ZC3H12B: variants seen among roughly 807,000 people sequenced by gnomAD.
ZC3H12B encodes zinc finger CCCH-type containing 12B.
In ZC3H12B, 7 loss-of-function variants were observed where a neutral mutation model predicts 43.9. The ratio of observed to expected loss-of-function variants is 0.16; its 90% CI spans 0.09 to 0.30. The LOEUF is 0.30. ZC3H12B is among the 10% of genes least tolerant of loss of function. The pLI, the probability that ZC3H12B is intolerant of heterozygous loss-of-function variation, is 1.00. For synonymous variants in ZC3H12B, 222 were observed against 241.7 expected, an observed-to-expected ratio of 0.92 and a Z score of 0.76; for missense variants, 475 against 670.2, an observed-to-expected ratio of 0.71 and a Z score of 3.22.
At position 65,371,433 on chromosome X, in the gene ZC3H12B, T is replaced by A. The variant is rs1476309073; in HGVS notation, n.295+2435T>A. On this transcript the variant is annotated intron_variant and non_coding_transcript_variant, in intron 2 of 5. Coordinates refer to the ZC3H12B transcript ENST00000617377. ...ACTGTGGTCTATTTCTAAGCCCAGTTTTTTTTTCCACTACCACAAGCTGTA... is the reference window on the plus strand; with the variant it reads ...ACTGTGGTCTATTTCTAAGCCCAGTATTTTTTTCCACTACCACAAGCTGTA... Among the ~76,000 whole-genome samples the A allele has an allele frequency of 2.7e-5, 3 of 111,438 alleles. No homozygotes were observed. In the Admixed American group the frequency reaches 2.9e-4, roughly 11 times the overall value.
the ZC3H12B span, among the ~76,000 whole-genome samples, chrX:65,039,395 G>A: frequency 6.3e-5 from 7 of 111,428 alleles, no homozygotes; most frequent in African/African-American, 2.0e-4. Context: ...ACCTGAAATT[G>A]AATTTTGACA....
the ZC3H12B span, among the ~76,000 whole-genome samples, chrX:65,074,312 C>T: frequency 8.2e-5 from 9 of 110,364 alleles, no homozygotes; most frequent in East Asian, 5.7e-4. Flanking sequence ...CATTCCTTTC[C>T]GACCTGCAAG....
the ZC3H12B span, among the ~76,000 whole-genome samples, chrX:65,133,107 G>A: frequency 2.7e-5 from 3 of 111,286 alleles, no homozygotes; most frequent in Admixed American, 9.4e-5. Context: ...CAAGATCCTC[G>A]GGCAGGCAGT....
chrX:65,228,009 G>A, the ZC3H12B span, among the ~76,000 whole-genome samples: 2 of 111,730 alleles, frequency 1.8e-5, no homozygotes, highest in African/African-American at 6.5e-5. Flanking sequence ...AAGAAAAAGA[G>A]GGAATCCTCC....
chrX:65,388,226 T>G (rs1257792046), intron 2 of ZC3H12B, among the ~76,000 whole-genome samples: 1 of 112,406 alleles, frequency 8.9e-6, no homozygotes, highest in African/African-American at 3.2e-5. Context: ...GATAATATCC[T>G]GCAGAGTGTT....
chrX:65,243,672 A>G, the ZC3H12B span, among the ~76,000 whole-genome samples: 2 of 112,549 alleles, frequency 1.8e-5, no homozygotes, highest in African/African-American at 6.4e-5. Context: ...CTGCACTTCT[A>G]TGTTTATTGC....
At chrX:65,470,704 C>G (rs2067899549) in intron 3 of ZC3H12B, among the ~76,000 whole-genome samples, 1 of 111,723 alleles carries the variant, frequency 9.0e-6, no homozygotes, top group Non-Finnish European at 1.9e-5. Flanking sequence ...GTCCCTCCTT[C>G]ATAGCTGCTG....
the ZC3H12B span, among the ~76,000 whole-genome samples, chrX:65,229,629 T>G: frequency 1.9e-5 from 2 of 105,894 alleles, no homozygotes; most frequent in African/African-American, 6.9e-5. Context: ...TTTCGCAACC[T>G]ACTCATCTGA....
At chrX:65,211,917 T>A in the ZC3H12B span, among the ~76,000 whole-genome samples, 1 of 73,987 alleles carries the variant, frequency 1.4e-5, no homozygotes, top group African/African-American at 5.7e-5. Context: ...TTATGTATAC[T>A]ATATAATATA....
chrX:65,157,457 G>T, the ZC3H12B span, among the ~76,000 whole-genome samples: 30 of 112,027 alleles, frequency 2.7e-4, no homozygotes, highest in Non-Finnish European at 5.3e-4. Context: ...ATGTAGTGGT[G>T]TTATTTCTAG....
At chrX:65,316,162 A>T in the ZC3H12B span, among the ~76,000 whole-genome samples, 3 of 112,148 alleles carry the variant, frequency 2.7e-5, no homozygotes, top group African/African-American at 9.7e-5. Context: ...AAGACCTCCA[A>T]AAAAGATGGG....
intron 2 of ZC3H12B, among the ~76,000 whole-genome samples, chrX:65,395,539 G>A (rs1214551641): frequency 2.7e-5 from 3 of 112,207 alleles, no homozygotes; most frequent in African/African-American, 9.7e-5. Flanking sequence ...GACTAGCCTT[G>A]CATCTCAGGG....
intron 3 of ZC3H12B, among the ~76,000 whole-genome samples, chrX:65,475,964 A>AGGTTTCTGT (rs2067986800): frequency 8.9e-6 from 1 of 112,323 alleles, no homozygotes; most frequent in Admixed American, 9.4e-5. Flanking sequence ...CCAGATTGCA[A>AGGTTTCTGT]GGTTTCTGTA....
At chrX:65,066,149 G>A in the ZC3H12B span, among the ~76,000 whole-genome samples, 2 of 110,116 alleles carry the variant, frequency 1.8e-5, no homozygotes, top group Non-Finnish European at 1.9e-5. Flanking sequence ...CTGTCAGTTC[G>A]TCAAACTAAT....
chrX:65,078,278 A>T, the ZC3H12B span, among the ~76,000 whole-genome samples: 1 of 112,308 alleles, frequency 8.9e-6, no homozygotes, highest in Non-Finnish European at 1.9e-5. Context: ...ATTTAGAAGT[A>T]ATCAGATTAT....
At chrX:65,392,195 G>A (rs2066626876) in intron 2 of ZC3H12B, among the ~76,000 whole-genome samples, 1 of 111,862 alleles carries the variant, frequency 8.9e-6, no homozygotes, top group Non-Finnish European at 1.9e-5. Flanking sequence ...ACCCCGTCTA[G>A]GAAGTGAGGA....
At chrX:65,113,731 G>A in the ZC3H12B span, among the ~76,000 whole-genome samples, 1 of 109,033 alleles carries the variant, frequency 9.2e-6, no homozygotes, top group Non-Finnish European at 1.9e-5. Context: ...CAACATCGAG[G>A]AAAGACCTCC....
the ZC3H12B span, among the ~76,000 whole-genome samples, chrX:65,230,398 G>A: frequency 2.7e-5 from 3 of 109,186 alleles, no homozygotes; most frequent in African/African-American, 1.0e-4. Context: ...ATGGGGGGAA[G>A]GGGGAGGGAT....
the ZC3H12B span, among the ~76,000 whole-genome samples, chrX:65,313,700 G>A: frequency 8.9e-6 from 1 of 112,120 alleles, no homozygotes; most frequent in Non-Finnish European, 1.9e-5. Flanking sequence ...CACAAATTAA[G>A]TTTTTTTCCG....
Sources: allele counts gnomAD v4.1 joint callset (sites outside exome capture counted in the v4.1 genomes callset), GRCh38; gene constraint gnomAD v4.1.1; transcripts MANE v1.5; gene names NCBI Gene and HGNC (gene_info 2026-07-23, HGNC 2026-07-21).